The following TMEM72 variants were observed in gnomAD, a reference collection of about 807,000 sequenced individuals.
TMEM72 encodes the protein transmembrane protein 72.
TMEM72 carries 9 observed loss-of-function variants against 16.3 expected under a neutral mutation model. That is an observed-to-expected ratio of 0.55 (90% confidence interval 0.33 to 0.96). The LOEUF (loss-of-function observed/expected upper bound fraction) is 0.96. Ranked by LOEUF, TMEM72 falls within the 40% of genes least tolerant of loss-of-function variation. The pLI, the probability that TMEM72 is intolerant of heterozygous loss-of-function variation, is 0.03. For missense variants in TMEM72, 324 were observed against 337.8 expected (o/e 0.96, Z 0.32); for synonymous variants, 160 against 146.5 (o/e 1.09, Z -0.66).
At chr10:44,916,632 C>T (rs901076666) in intron 1 of TMEM72, among the ~76,000 whole-genome samples, 8 of 152,120 alleles carry the variant, frequency 5.3e-5, no homozygotes, top group African/African-American at 9.7e-5. Context: ...TCCAACGCCT[C>T]GCAAGAGATT....
At chr10:44,926,766 G>A (rs189570797) in intron 1 of TMEM72, among the ~76,000 whole-genome samples, 89 of 151,900 alleles carry the variant, frequency 5.9e-4, no homozygotes, top group Admixed American at 2.2e-3. Flanking sequence ...CCCTTTCCCC[G>A]GCCCCATATC....
rs145366040 is a variant in TMEM72 at position 44,937,002 on chromosome 10, T to C, written c.*1868T>C. On this transcript the variant is annotated 3_prime_UTR_variant, in exon 5 of 5. Coordinates refer to ENST00000389583, the MANE Select transcript of TMEM72 (RefSeq NM_001123376.3). ...AGATCCCGTTTAATAAACACTTCAG[T>C]AAACCCAAGTGTGGAGTGTTGTTTT... 1 of 152,352 alleles carries C rather than the reference T, an allele frequency of 6.6e-6. No individual in the cohort carries two copies. The highest frequency in any genetic ancestry group is 1.9e-4 in the East Asian group (1 of 5,176). 9.4% of individuals were successfully genotyped at this position (152,352 alleles called of 1,614,324 possible). A position where few individuals can be genotyped will look rare whatever the true frequency, so the allele number is the denominator to read the frequency against.
At chr10:44,927,569 C>A (rs1840216330) in intron 1 of TMEM72, among the ~76,000 whole-genome samples, 1 of 152,256 alleles carries the variant, frequency 6.6e-6, no homozygotes. Flanking sequence ...TGAAGCCAGA[C>A]ACACAGCACA....
At chr10:44,929,387 C>G (rs1463395711) in intron 2 of TMEM72, among the ~76,000 whole-genome samples, 1 of 152,216 alleles carries the variant, frequency 6.6e-6, no homozygotes, top group Admixed American at 6.5e-5. Flanking sequence ...TGAGAAGCAA[C>G]AGATAACAAT....
chr10:44,914,187 C>T (rs1317208844), intron 1 of TMEM72, among the ~76,000 whole-genome samples: 1 of 152,204 alleles, frequency 6.6e-6, no homozygotes, highest in Non-Finnish European at 1.5e-5. Flanking sequence ...CCATTCTTGC[C>T]CCACCTCAGT....
At chr10:44,927,883 G>A in intron 1 of TMEM72, 38 bp from the exon 2 acceptor site, 1 of 1,597,486 alleles carries the variant, frequency 6.3e-7, no homozygotes, top group Non-Finnish European at 8.5e-7. Context: ...GTGGTGTAGA[G>A]CACCAGGCCC....
At position 44,911,434 on chromosome 10, in the gene TMEM72, A is replaced by T; in HGVS notation, c.-79A>T. ...CCACAGCCAGCAGCCTCCTACCTAC[A>T]CAAGGGTGTTCGGGAGCATCTCAGG... On this transcript the variant is annotated 5_prime_UTR_variant, in exon 1 of 5. Coordinates refer to ENST00000389583, the MANE Select transcript of TMEM72 (RefSeq NM_001123376.3). 6.8e-7 allele frequency: 1 copy of T among 1,463,946 alleles called. No homozygotes were observed. 90.7% of individuals were successfully genotyped at this position (1,463,946 alleles called of 1,614,324 possible).
chr10:44,915,800 A>G (rs772231483), intron 1 of TMEM72, among the ~76,000 whole-genome samples: 73 of 152,150 alleles, frequency 4.8e-4, no homozygotes, highest in Middle Eastern at 6.8e-3. Flanking sequence ...TCTCTATCTC[A>G]AGATTGCCAC....
rs1220550730 is a variant in TMEM72, at chr10:44,935,791, C to T, written c.*657C>T. ...AAAGCCAGGCCAGATGAGCAAAGCTCATTCCAGAAACATGGCTGGGGACTT... is the reference window on the plus strand; with the variant it reads ...AAAGCCAGGCCAGATGAGCAAAGCTTATTCCAGAAACATGGCTGGGGACTT... On this transcript the variant is annotated 3_prime_UTR_variant, in exon 5 of 5. Transcript: ENST00000389583. 1 of 152,356 alleles carries T rather than the reference C, an allele frequency of 6.6e-6. No individual in the cohort carries two copies. Among genetic ancestry groups the T allele is most frequent in the Non-Finnish European group, 1.5e-5 (1 of 68,148 alleles). 9.4% of individuals were successfully genotyped at this position (152,356 alleles called of 1,614,324 possible). A position where few individuals can be genotyped will look rare whatever the true frequency, so the allele number is the denominator to read the frequency against.
chr10:44,918,759 A>G (rs1840048974), intron 1 of TMEM72, among the ~76,000 whole-genome samples: 2 of 152,170 alleles, frequency 1.3e-5, no homozygotes, highest in Non-Finnish European at 2.9e-5. Context: ...AACACCCAAC[A>G]TGATTGTATT....
chr10:44,930,091 T>G (rs1344756015), intron 2 of TMEM72, among the ~76,000 whole-genome samples: 1 of 152,186 alleles, frequency 6.6e-6, no homozygotes, highest in Non-Finnish European at 1.5e-5. Flanking sequence ...AACCCTGTTT[T>G]GTCTCTGTTT....
At chr10:44,926,526 G>T (rs1840196019) in intron 1 of TMEM72, among the ~76,000 whole-genome samples, 1 of 152,180 alleles carries the variant, frequency 6.6e-6, no homozygotes, top group South Asian at 2.1e-4. Flanking sequence ...GACACTGCAG[G>T]GGGATGTGGC....
intron 1 of TMEM72, among the ~76,000 whole-genome samples, chr10:44,923,937 T>C (rs559899342): frequency 6.6e-6 from 1 of 152,162 alleles, no homozygotes; most frequent in Non-Finnish European, 1.5e-5. Flanking sequence ...AGAACTGTGC[T>C]TCAAGCCCAA....
intron 3 of TMEM72, 121 bp downstream of exon 3, chr10:44,932,190 C>T (rs1840310245): frequency 3.3e-6 from 4 of 1,203,600 alleles, no homozygotes; most frequent in Middle Eastern, 2.8e-4. Context: ...TGGACAGGAG[C>T]CCCCCACCGA....
chr10:44,921,304 G>A (rs547191165), intron 1 of TMEM72, among the ~76,000 whole-genome samples: 9 of 152,282 alleles, frequency 5.9e-5, no homozygotes, highest in African/African-American at 2.2e-4. Context: ...GGGCTGGGGT[G>A]AGAGTAGCTG....
intron 1 of TMEM72, among the ~76,000 whole-genome samples, chr10:44,924,104 G>A (rs761071791): frequency 2.0e-5 from 3 of 152,108 alleles, no homozygotes; most frequent in African/African-American, 4.8e-5. Context: ...ATCTAAACAC[G>A]AGTCCCTTCT....
chr10:44,912,838 T>G (rs891140514), intron 1 of TMEM72, among the ~76,000 whole-genome samples: 2 of 151,936 alleles, frequency 1.3e-5, no homozygotes, highest in African/African-American at 4.8e-5. Context: ...AGGCCATGAG[T>G]TAGATCATGA....
At chr10:44,922,210 C>T (rs1044047698) in intron 1 of TMEM72, among the ~76,000 whole-genome samples, 5 of 152,168 alleles carry the variant, frequency 3.3e-5, no homozygotes, top group African/African-American at 1.2e-4. Context: ...CTGTCCTCAT[C>T]CACAGGTTGA....
At chr10:44,932,995 C>T (rs534657282) in intron 3 of TMEM72, among the ~76,000 whole-genome samples, 1 of 151,990 alleles carries the variant, frequency 6.6e-6, no homozygotes, top group African/African-American at 2.4e-5. Flanking sequence ...TGTGTAGAGC[C>T]CCAGCTCTAG....
Sources: gnomAD v4.1 joint callset for allele counts (sites outside exome capture counted in the v4.1 genomes callset) on GRCh38, gnomAD v4.1.1 for gene constraint, MANE v1.5 for transcripts, NCBI Gene and HGNC (gene_info 2026-07-23, HGNC 2026-07-21) for gene names.